Variants in AKAP13 observed in about 807,000 individuals in gnomAD.
The protein encoded by AKAP13 is A-kinase anchor protein 13.
AKAP13 carries 80 observed loss-of-function variants against 264.5 expected under a neutral mutation model. That is an observed-to-expected ratio of 0.30 (90% confidence interval 0.25 to 0.36). The LOEUF (loss-of-function observed/expected upper bound fraction) is 0.36. Among genes scored for constraint, AKAP13 ranks in the 10% least tolerant of loss-of-function variants. AKAP13 has a pLI of 1.00. For synonymous variants in AKAP13, 1,380 were observed against 1,250.2 expected (o/e 1.10, Z -2.19); for missense variants, 3,712 against 3,435.2 (o/e 1.08, Z -2.01).
At chr15:85,671,088 C>T (rs907557401) in intron 14 of AKAP13, 7 of 151,558 alleles carry the variant, frequency 4.6e-5, no homozygotes, top group Non-Finnish European at 7.4e-5. Context: ...CCATGTGTCT[C>T]GGAGGCTGAA....
At chr15:85,426,623 T>C (rs141238055) in intron 1 of AKAP13, among the ~76,000 whole-genome samples, 11 of 152,340 alleles carry the variant, frequency 7.2e-5, no homozygotes, top group Non-Finnish European at 1.5e-4. Context: ...CTCAGTGTCA[T>C]TCAGGAAAAA....
At chr15:85,681,110 G>A (rs1410159010) in intron 14 of AKAP13, among the ~76,000 whole-genome samples, 1 of 152,200 alleles carries the variant, frequency 6.6e-6, no homozygotes, top group South Asian at 2.1e-4. Flanking sequence ...GAGCCACCGC[G>A]CCTGGCCCAA....
intron 15 of AKAP13, 21 bp from the exon 16 acceptor site, chr15:85,684,720 A>G: frequency 3.8e-6 from 6 of 1,597,286 alleles, no homozygotes; most frequent in Non-Finnish European, 5.1e-6. Context: ...AAAAAAAATC[A>G]ATCTTCTTGT....
chr15:85,585,614 C>T, intron 7 of AKAP13, 88 bp from the exon 8 acceptor site: 1 of 1,560,398 alleles, frequency 6.4e-7, no homozygotes, highest in Non-Finnish European at 8.7e-7. Context: ...CAAAACAAAA[C>T]ACATGAAACC....
Position 85,486,284 on chromosome 15 carries a change from C to A in AKAP13, c.33+531C>A, listed in dbSNP as rs1360862710. Among the ~76,000 whole-genome samples the A allele has an allele frequency of 2.0e-5, 3 of 146,526 alleles. No homozygotes were observed. The East Asian group carries it at 5.9e-4, about 29-fold the overall frequency. On this transcript the variant is annotated intron_variant, in intron 2 of 36. Transcript: ENST00000394518. ...CAGTTTTGATAATGTTTTGTTGTTG[C>A]TTTTTTTTTTGGCATCATATCTAAG...
intron 9 of AKAP13, among the ~76,000 whole-genome samples, chr15:85,644,769 A>G (rs1319771964): frequency 6.6e-6 from 1 of 151,672 alleles, no homozygotes; most frequent in Non-Finnish European, 1.5e-5. Context: ...AAGAGGCTGA[A>G]GCAGGAGAAT....
At chr15:85,407,401 T>A (rs867863401) in intron 1 of AKAP13, among the ~76,000 whole-genome samples, 62 of 151,658 alleles carry the variant, frequency 4.1e-4, no homozygotes, top group Middle Eastern at 6.8e-3. Flanking sequence ...CTAATTTTTT[T>A]AAAATTTTTT....
chr15:85,579,848 A>G lies in AKAP13; in HGVS notation c.1780A>G (p.Lys594Glu). The change falls in exon 7 of 37, where the codon AAA becomes GAA. Residue 594 changes from lysine to glutamate, a missense_variant. Physicochemically the swap from Lys to Glu is moderately conservative, Grantham distance 56. Coordinates refer to ENST00000394518, the MANE Select transcript of AKAP13 (RefSeq NM_007200.5). ...TTCTGTGGTGATTCCAGCTGCTGCA[A>G]AAGACAAGATTTCAGATGGATTAGA... ...QNSVVIPAAA[K>E]DKISDGLEPY... 4 of 1,614,216 alleles carry G rather than the reference A, an allele frequency of 2.5e-6. No homozygotes were observed. The highest frequency in any genetic ancestry group is 3.4e-6 in the Non-Finnish European group (4 of 1,180,040).
chr15:85,447,344 C>T (rs1288647150), intron 1 of AKAP13, among the ~76,000 whole-genome samples: 1 of 151,592 alleles, frequency 6.6e-6, no homozygotes, highest in Non-Finnish European at 1.5e-5. Context: ...AGGATATGGA[C>T]CTGGATTTGA....
intron 1 of AKAP13, among the ~76,000 whole-genome samples, chr15:85,420,239 C>G (rs940156272): frequency 2.6e-5 from 4 of 151,694 alleles, no homozygotes; most frequent in Non-Finnish European, 4.4e-5. Context: ...CCGCGCCCGG[C>G]CTTTTTTTTT....
At chr15:85,445,517 T>C (rs763029261) in intron 1 of AKAP13, among the ~76,000 whole-genome samples, 18 of 152,246 alleles carry the variant, frequency 1.2e-4, no homozygotes, top group Non-Finnish European at 2.5e-4. Flanking sequence ...TATTTAATTG[T>C]ATTTTTCTAC....
intron 35 of AKAP13, among the ~76,000 whole-genome samples, chr15:85,741,739 A>AC (rs2089009857): frequency 6.7e-6 from 1 of 149,400 alleles, no homozygotes; most frequent in African/African-American, 2.5e-5. Context: ...CAAAAAAAAA[A>AC]AACAGTTTTT....
intron 3 of AKAP13, among the ~76,000 whole-genome samples, 162 bp downstream of exon 3, chr15:85,521,737 A>G (rs3743321): frequency 0.52 from 79,481 of 152,034 alleles, 21,225 homozygotes; most frequent in Middle Eastern, 0.62. Flanking sequence ...TGGTATTGGA[A>G]CAGATTGCCA....
chr15:85,387,816 T>G (rs758082473), intron 1 of AKAP13, among the ~76,000 whole-genome samples: 5 of 152,176 alleles, frequency 3.3e-5, no homozygotes, highest in South Asian at 2.1e-4. Flanking sequence ...TATTCTGGTG[T>G]TGTTGTGAAT....
chr15:85,555,464 G>T, intron 5 of AKAP13: 1 of 1,288,786 alleles, frequency 7.8e-7, no homozygotes, highest in South Asian at 1.2e-5. Context: ...ATGGGCTTGC[G>T]ATATTCGGGG....
chr15:85,728,075 C>T (rs1028673878), intron 29 of AKAP13, among the ~76,000 whole-genome samples: 3 of 152,114 alleles, frequency 2.0e-5, no homozygotes, highest in East Asian at 1.9e-4. Context: ...CCAGGGTTAA[C>T]GTGTGTAGTT....
chr15:85,456,517 C>G (rs1457030979), intron 1 of AKAP13, among the ~76,000 whole-genome samples: 2 of 151,054 alleles, frequency 1.3e-5, no homozygotes, highest in African/African-American at 4.9e-5. Flanking sequence ...AGGGCTACCC[C>G]AAAGGCAGTG....
rs142581198 is a variant in AKAP13 at position 85,498,747 on chromosome 15, T to C, written c.33+12994T>C. On this transcript the variant is annotated intron_variant, in intron 2 of 36. Coordinates refer to ENST00000394518, the MANE Select transcript of AKAP13 (RefSeq NM_007200.5). Reference sequence around the variant, plus strand: ...GTGGGGTGACCTGGAATGACTGCCATCTGGACTTCTCTAGGGCGCTGGCTC... The same window carrying C: ...GTGGGGTGACCTGGAATGACTGCCACCTGGACTTCTCTAGGGCGCTGGCTC... Among the ~76,000 whole-genome samples, 468 of 152,278 alleles carry C rather than the reference T, an allele frequency of 3.1e-3. 4 individuals are homozygous for C. The highest frequency in any genetic ancestry group is 0.011 in the African/African-American group (450 of 41,546).
chr15:85,622,906 TTCTA>T (rs1390891524), intron 8 of AKAP13, among the ~76,000 whole-genome samples: 2 of 152,222 alleles, frequency 1.3e-5, no homozygotes, highest in African/African-American at 2.4e-5. Flanking sequence ...TGTGTTCTTT[TTCTA>T]TCTTAGACTT....
Sources: gnomAD v4.1 joint callset for allele counts (sites outside exome capture counted in the v4.1 genomes callset) on GRCh38, gnomAD v4.1.1 for gene constraint, MANE v1.5 for transcripts, NCBI Gene and HGNC (gene_info 2026-07-23, HGNC 2026-07-21) for gene names.